The following RCBTB1 variants were observed in gnomAD, a reference collection of about 807,000 sequenced individuals.
The protein encoded by RCBTB1 is RCC1 and BTB domain-containing protein 1.
Under a neutral mutation model 62.4 loss-of-function variants are expected in RCBTB1, and 46 were observed. The ratio of observed to expected loss-of-function variants is 0.74; its 90% CI spans 0.58 to 0.94. The LOEUF is 0.94. Ranked by LOEUF, RCBTB1 falls within the 40% of genes least tolerant of loss-of-function variation. The pLI, the probability that RCBTB1 is intolerant of heterozygous loss-of-function variation, is 0.00. For missense variants in RCBTB1, 565 were observed against 654.9 expected, an observed-to-expected ratio of 0.86 and a Z score of 1.50; for synonymous variants, 222 against 245.8, an observed-to-expected ratio of 0.90 and a Z score of 0.91.
chr13:49,546,064 G>A (rs1182073355), intron 9 of RCBTB1: 5 of 984,512 alleles, frequency 5.1e-6, no homozygotes, highest in Non-Finnish European at 6.0e-6. Flanking sequence ...CTTGCAACCT[G>A]GATCACTGGT....
intron 10 of RCBTB1, 103 bp from the exon 11 acceptor site, chr13:49,541,930 C>T (rs1960395819): frequency 7.4e-7 from 1 of 1,343,442 alleles, no homozygotes; most frequent in African/African-American, 1.5e-5. Flanking sequence ...CAGAAGTATC[C>T]TTGGGCCGGG....
At position 49,534,266 on chromosome 13, in the gene RCBTB1, GAC is replaced by G. The variant is rs1959762728; in HGVS notation, c.1456-6_1456-5del. 2.5e-6 allele frequency: 4 copies of G among 1,605,488 alleles called. No individual in the cohort carries two copies. The highest frequency in any genetic ancestry group is 1.3e-5 in the African/African-American group (1 of 74,214). Reference sequence around the variant, plus strand: ...TAAAGCAGAATTCTTCTAAATCCTGGACACACAACAAAAATAAAAACAAAAAT... The same window carrying G: ...TAAAGCAGAATTCTTCTAAATCCTGGACACAACAAAAATAAAAACAAAAAT... On this transcript the variant is annotated splice_polypyrimidine_tract_variant and splice_region_variant and intron_variant, in intron 12 of 12. Transcript: ENST00000378302.
intron 4 of RCBTB1, among the ~76,000 whole-genome samples, chr13:49,565,574 G>A (rs1287946883): frequency 2.4e-4 from 33 of 136,734 alleles, no homozygotes; most frequent in Middle Eastern, 3.7e-3. Context: ...AGTGAGGAGC[G>A]TCTCTGCCCG....
chr13:49,555,819 C>T, intron 5 of RCBTB1, 146 bp from the exon 6 acceptor site: 9 of 612,384 alleles, frequency 1.5e-5, no homozygotes, highest in Non-Finnish European at 2.5e-5. Flanking sequence ...ACACATTAAC[C>T]TATTTAACCT....
rs761642667 is a variant in RCBTB1, at chr13:49,544,798, C to T, written c.1111G>A (p.Asp371Asn). 9 of 1,611,666 alleles carry T rather than the reference C, an allele frequency of 5.6e-6. No individual in the cohort carries two copies. In the Admixed American group the frequency reaches 1.3e-4, roughly 24 times the overall value. Residue 371 changes from aspartate (D) to asparagine (N), a missense_variant, in exon 10 of 13, where the codon GAT becomes AAT. Physicochemically the swap from Asp to Asn is conservative, Grantham distance 23 (BLOSUM62 1). Coordinates refer to ENST00000378302, the MANE Select transcript of RCBTB1 (RefSeq NM_018191.4). ...TTTCCATCAATTCGAAACTTCAGAT[C>T]AGCAGTTTCTGGACTATCAAATTCT... ...KKEFDSPETA[D>N]LKFRIDGKYI... is the part of the protein sequence containing the mutation.
Position 49,533,917 on chromosome 13 carries a change from T to C in RCBTB1, c.*205A>G. 1 of 460,738 alleles carries C rather than the reference T, an allele frequency of 2.2e-6. No homozygotes were observed. Among genetic ancestry groups the C allele is most frequent in the South Asian group, 5.5e-5 (1 of 18,024 alleles). 28.5% of individuals were successfully genotyped at this position (460,738 alleles called of 1,614,324 possible). ...AAAGGTCACATTTAAAATACACTTA[T>C]CTGGAAACAAGGGTTGTTTAAAATG... On this transcript the variant is annotated 3_prime_UTR_variant, in exon 13 of 13. Coordinates refer to ENST00000378302, the MANE Select transcript of RCBTB1 (RefSeq NM_018191.4).
At chr13:49,565,315 T>C (rs993354997) in intron 4 of RCBTB1, among the ~76,000 whole-genome samples, 1 of 152,208 alleles carries the variant, frequency 6.6e-6, no homozygotes, top group Non-Finnish European at 1.5e-5. Context: ...GTTCACTCAG[T>C]GCTCAATGTT....
chr13:49,577,544 G>A (rs534106510), intron 2 of RCBTB1, among the ~76,000 whole-genome samples: 62 of 152,170 alleles, frequency 4.1e-4, no homozygotes, highest in African/African-American at 1.1e-3. Context: ...TTATGTACTG[G>A]CTTTTAAATG....
At chr13:49,584,905 CTTAT>C (rs1964308299) in intron 1 of RCBTB1, among the ~76,000 whole-genome samples, 1 of 152,130 alleles carries the variant, frequency 6.6e-6, no homozygotes, top group Non-Finnish European at 1.5e-5. Flanking sequence ...GGAAACGTCA[CTTAT>C]TTAGAGTTCA....
intron 2 of RCBTB1, among the ~76,000 whole-genome samples, chr13:49,575,958 C>G (rs751079361): frequency 6.6e-6 from 1 of 151,968 alleles, no homozygotes; most frequent in African/African-American, 2.4e-5. Flanking sequence ...GAGGCCAAGA[C>G]GAGCAGATCA....
intron 2 of RCBTB1, among the ~76,000 whole-genome samples, chr13:49,571,372 C>G (rs956137898): frequency 4.6e-5 from 7 of 152,192 alleles, no homozygotes; most frequent in African/African-American, 1.7e-4. Context: ...ATCCACTCTC[C>G]CAATAAAAAG....
chr13:49,562,863 A>T (rs1962561142), intron 4 of RCBTB1, among the ~76,000 whole-genome samples: 1 of 144,454 alleles, frequency 6.9e-6, no homozygotes, highest in Non-Finnish European at 1.5e-5. Flanking sequence ...GGCCTGGAGC[A>T]AACGTCCTGC....
intron 12 of RCBTB1, chr13:49,538,052 G>A (rs1286878319): frequency 6.6e-6 from 1 of 152,230 alleles, no homozygotes; most frequent in Non-Finnish European, 1.5e-5. Flanking sequence ...ACAGCACGAA[G>A]GCAAAGTCAT....
chr13:49,573,609 C>T (rs570570135), intron 2 of RCBTB1, among the ~76,000 whole-genome samples: 29 of 151,364 alleles, frequency 1.9e-4, no homozygotes, highest in African/African-American at 5.8e-4. Context: ...CCATCACGCC[C>T]GGCTAATTTT....
chr13:49,560,434 G>A (rs1000837343), intron 4 of RCBTB1, among the ~76,000 whole-genome samples: 13 of 152,294 alleles, frequency 8.5e-5, no homozygotes, highest in African/African-American at 2.6e-4. Flanking sequence ...AAGAAAGCTC[G>A]ATGTTAATGT....
At chr13:49,559,856 T>C in intron 5 of RCBTB1, 62 bp downstream of exon 5, 1 of 1,486,446 alleles carries the variant, frequency 6.7e-7, no homozygotes, top group Non-Finnish European at 9.1e-7. Flanking sequence ...GTAAATTTTA[T>C]GTTAAGTGTA....
intron 2 of RCBTB1, among the ~76,000 whole-genome samples, chr13:49,568,653 G>T (rs983476426): frequency 1.0e-3 from 11 of 10,596 alleles, no homozygotes; most frequent in Admixed American, 5.3e-3. Context: ...CAGGCCGGGG[G>T]AGGGGGGTGG....
chr13:49,579,941 A>G (rs955499397), intron 2 of RCBTB1, among the ~76,000 whole-genome samples: 1 of 152,188 alleles, frequency 6.6e-6, no homozygotes, highest in African/African-American at 2.4e-5. Context: ...ACAATTTGCA[A>G]TAATGGCCTC....
intron 4 of RCBTB1, among the ~76,000 whole-genome samples, chr13:49,566,303 T>TA (rs58998549): frequency 1.1e-5 from 1 of 89,522 alleles, no homozygotes; most frequent in Non-Finnish European, 2.0e-5. Context: ...AATAAATAAA[T>TA]AAAAAAGTTG....
Sources: allele counts gnomAD v4.1 joint callset (sites outside exome capture counted in the v4.1 genomes callset), GRCh38; gene constraint gnomAD v4.1.1; transcripts MANE v1.5; gene names NCBI Gene and HGNC (gene_info 2026-07-23, HGNC 2026-07-21).